Variants in ETV1 observed in about 807,000 individuals in gnomAD.
ETV1 encodes the protein ETS variant transcription factor 1.
ETV1 carries 27 observed loss-of-function variants against 62.3 expected under a neutral mutation model. The ratio of observed to expected loss-of-function variants is 0.43; its 90% CI spans 0.32 to 0.60. ETV1 has a LOEUF of 0.60. ETV1 is among the 20% of genes least tolerant of loss of function. The pLI is 0.06. For synonymous variants in ETV1, 222 were observed against 199.6 expected (o/e 1.11, Z -0.94); for missense variants, 605 against 605.8 (o/e 1.00, Z 0.01).
chr7:13,986,813 TAAAA>T, intron 4 of ETV1, 128 bp from the exon 5 acceptor site: 2 of 702,638 alleles, frequency 2.8e-6, no homozygotes, highest in Non-Finnish European at 4.7e-6. Context: ...AACATAAAAA[TAAAA>T]AAAAGAGGCA....
chr7:13,988,147 C>G lies in ETV1; in HGVS notation c.72G>C (p.Glu24Asp). ...TNSQRGRNCN[E>D]KPTNVRKRKF... Reference sequence around the variant, plus strand: ...TTCTTTTCCTGACATTTGTTGGTTTCTCGTTACAATTTCTCCCACGCTGAC... The same window carrying G: ...TTCTTTTCCTGACATTTGTTGGTTTGTCGTTACAATTTCTCCCACGCTGAC... The change falls in exon 4 of 14, where the codon GAG becomes GAC. Residue 24 changes from glutamate (E) to aspartate (D), a missense_variant. Glu to Asp is a conservative substitution (Grantham distance 45). This residue lies in a region of ETV1 where 426 missense variants were observed against 377.8 expected (regional missense o/e 1.13). Coordinates refer to ENST00000430479, the MANE Select transcript of ETV1 (RefSeq NM_004956.5). The G allele has an allele frequency of 6.2e-7, 1 of 1,612,182 alleles. No individual in the cohort carries two copies. Among genetic ancestry groups the G allele is most frequent in the South Asian group, 1.1e-5 (1 of 91,038 alleles).
intron 6 of ETV1, among the ~76,000 whole-genome samples, chr7:13,966,257 G>A (rs1314556613): frequency 1.3e-5 from 2 of 152,176 alleles, no homozygotes; most frequent in African/African-American, 4.8e-5. Flanking sequence ...TCAACAAGGT[G>A]TTAAGACAGA....
chr7:13,983,168 C>T (rs1782174124), intron 5 of ETV1, among the ~76,000 whole-genome samples: 2 of 151,864 alleles, frequency 1.3e-5, no homozygotes, highest in Admixed American at 1.3e-4. Flanking sequence ...AACATTTTAC[C>T]CTGAAGACAG....
intron 6 of ETV1, among the ~76,000 whole-genome samples, chr7:13,942,016 ATTTCT>A (rs1436974273): frequency 2.3e-4 from 30 of 129,340 alleles, no homozygotes; most frequent in African/African-American, 8.6e-4. Context: ...TTAACCATGC[ATTTCT>A]TTTTTTTTTT....
chr7:13,906,566 T>G lies in ETV1; in HGVS notation c.974A>C (p.Glu325Ala). 1.2e-6 allele frequency: 2 copies of G among 1,611,804 alleles called. No homozygotes were observed. Among genetic ancestry groups the G allele is most frequent in the Non-Finnish European group, 1.7e-6 (2 of 1,179,014 alleles). The change falls in exon 12 of 14, where the codon GAA becomes GCA. Residue 325 changes from glutamate (E) to alanine (A), a missense_variant. By Grantham distance (107) the Glu-to-Ala change is moderately radical. Transcript: ENST00000430479. ...TCCTCGCCGTTGGTATGTGGGTCCT[T>G]CCCGATACATTCCTGGCTCTTGTTT... ...DIKQEPGMYR[E>A]GPTYQRRGSL...
At chr7:13,929,500 C>G (rs1785836001) in intron 9 of ETV1, among the ~76,000 whole-genome samples, 1 of 152,074 alleles carries the variant, frequency 6.6e-6, no homozygotes, top group African/African-American at 2.4e-5. Flanking sequence ...GAGCTAGTAC[C>G]CAGTCTTCAG....
At chr7:13,972,772 T>G (rs1043351109) in intron 6 of ETV1, among the ~76,000 whole-genome samples, 2 of 152,086 alleles carry the variant, frequency 1.3e-5, no homozygotes, top group African/African-American at 4.8e-5. Flanking sequence ...TTTCACTTGG[T>G]TTTTATTTTT....
intron 5 of ETV1, among the ~76,000 whole-genome samples, chr7:13,985,849 A>G (rs3801109): frequency 0.57 from 87,075 of 151,986 alleles, 25,290 homozygotes; most frequent in African/African-American, 0.63. Flanking sequence ...AGCTTTATGA[A>G]GCAATCTCAT....
At chr7:13,912,271 T>G (rs1198706779) in intron 9 of ETV1, among the ~76,000 whole-genome samples, 4 of 152,154 alleles carry the variant, frequency 2.6e-5, no homozygotes, top group Non-Finnish European at 5.9e-5. Context: ...AGTGCAAACA[T>G]TTCTGAGAAA....
At chr7:13,933,863 G>T (rs1250163131) in intron 8 of ETV1, among the ~76,000 whole-genome samples, 2 of 152,172 alleles carry the variant, frequency 1.3e-5, no homozygotes, top group Admixed American at 1.3e-4. Context: ...TTCAAGTAGA[G>T]AAACTAAAAT....
rs146466700 is a variant in ETV1, at chr7:13,923,224, T to G, written c.802+8278A>C. Among the ~76,000 whole-genome samples, 68 of 152,336 alleles carry G rather than the reference T, an allele frequency of 4.5e-4. 1 individual carries two copies. Among genetic ancestry groups the G allele is most frequent in the Non-Finnish European group, 3.8e-4 (26 of 68,032 alleles). On this transcript the variant is annotated intron_variant, in intron 9 of 13. Transcript: ENST00000430479. The stretch of plus-strand genomic sequence containing the variant: ...TTGTTCTTGCTCCATTACCCAATTA[T>G]TTAATCCTACAAGTTTCACTTTCAA...
At chr7:13,898,991 T>C (rs990047144) in intron 13 of ETV1, among the ~76,000 whole-genome samples, 1 of 152,204 alleles carries the variant, frequency 6.6e-6, no homozygotes, top group Non-Finnish European at 1.5e-5. Flanking sequence ...TTATTTCATT[T>C]AATAATCACA....
intron 13 of ETV1, chr7:13,900,521 G>C: frequency 2.4e-6 from 1 of 417,564 alleles, no homozygotes; most frequent in Non-Finnish European, 4.2e-6. Context: ...CTTCCAGAAA[G>C]CCTATTATTC....
chr7:13,983,115 G>A (rs546344821), intron 5 of ETV1, among the ~76,000 whole-genome samples: 54 of 152,092 alleles, frequency 3.6e-4, no homozygotes, highest in African/African-American at 1.3e-3. Flanking sequence ...TACTCGAAGT[G>A]TGGAGGCAGC....
At chr7:13,970,961 ATTT>A (rs1446615597) in intron 6 of ETV1, among the ~76,000 whole-genome samples, 2 of 150,942 alleles carry the variant, frequency 1.3e-5, no homozygotes, top group Non-Finnish European at 1.5e-5. Context: ...TCTTTCTTTT[ATTT>A]ATTTTATTTT....
In ETV1 at chr7:13,911,245, T is replaced by C. The variant is rs369547662; in HGVS notation, c.865A>G (p.Thr289Ala). 3 of 1,612,124 alleles carry C rather than the reference T, an allele frequency of 1.9e-6. No individual in the cohort carries two copies. The highest frequency in any genetic ancestry group is 2.5e-6 in the Non-Finnish European group (3 of 1,178,366). ...QEGFLAHPSR[T>A]EGCMFEKGPR... is the part of the protein sequence containing the mutation. Reference sequence around the variant, plus strand: ...TCAGTGGTGGACAACTTAACTTCTGTTCTGCTGGGATGAGCCAGGAAGCCT... The same window carrying C: ...TCAGTGGTGGACAACTTAACTTCTGCTCTGCTGGGATGAGCCAGGAAGCCT... Residue 289 changes from threonine to alanine, a missense_variant, in exon 10 of 14, where the codon ACA becomes GCA. Transcript: ENST00000430479.
chr7:13,908,576 G>C (rs932857747), intron 11 of ETV1, among the ~76,000 whole-genome samples: 11 of 152,024 alleles, frequency 7.2e-5, no homozygotes, highest in African/African-American at 2.7e-4. Flanking sequence ...AACCAAAAAT[G>C]TGATTCCTAT....
chr7:13,907,925 G>T, intron 11 of ETV1: 1 of 447,986 alleles, frequency 2.2e-6, no homozygotes, highest in South Asian at 1.6e-5. Context: ...GTCTTAACAT[G>T]ATAATATAGA....
rs77861041 is a variant in ETV1, at chr7:13,910,970, G to A, written c.871+269C>T. Among the ~76,000 whole-genome samples, 915 of 152,226 alleles carry A rather than the reference G, an allele frequency of 6.0e-3. 62 individuals are homozygous for A. The East Asian group carries it at 0.14, about 24-fold the overall frequency. The stretch of plus-strand genomic sequence containing the variant: ...AAGTGGGCTAATCTATAAAGCATAT[G>A]TTCTATTTTAAAAGGATGTGGTTGT... On this transcript the variant is annotated intron_variant, in intron 10 of 13. Coordinates refer to ENST00000430479, the MANE Select transcript of ETV1 (RefSeq NM_004956.5).
Sources: allele counts gnomAD v4.1 joint callset (sites outside exome capture counted in the v4.1 genomes callset), GRCh38; gene constraint gnomAD v4.1.1; regional missense constraint gnomAD v4.1.1; transcripts MANE v1.5; gene names NCBI Gene and HGNC (gene_info 2026-07-23, HGNC 2026-07-21).